Variants in MTG2 observed in about 807,000 individuals in gnomAD.
MTG2 encodes mitochondrial ribosome-associated GTPase 2.
In MTG2, 23 loss-of-function variants were observed where a neutral mutation model predicts 28.6. That is an observed-to-expected ratio of 0.80 (90% CI 0.58 to 1.14). MTG2 has a LOEUF of 1.14. MTG2 is among the 50% of genes most tolerant of loss of function. The probability of loss-of-function intolerance (pLI) is 0.00; values close to 1 mark genes in which losing one functional copy is unlikely to be tolerated. For missense variants in MTG2, 539 were observed against 552.0 expected (o/e 0.98, Z 0.24); for synonymous variants, 260 against 251.8 (o/e 1.03, Z -0.31).
intron 5 of MTG2, 69 bp downstream of exon 5, chr20:62,198,921 G>C: frequency 6.3e-7 from 1 of 1,595,146 alleles, no homozygotes; most frequent in Non-Finnish European, 8.6e-7. Flanking sequence ...TCTCAATGGG[G>C]ATTTGCCAGT....
intron 1 of MTG2, among the ~76,000 whole-genome samples, chr20:62,190,392 T>C (rs2057933909): frequency 6.6e-6 from 1 of 152,240 alleles, no homozygotes; most frequent in African/African-American, 2.4e-5. Context: ...TAGTATTTTA[T>C]ATTTACCAAT....
At chr20:62,198,034 C>T in intron 4 of MTG2, 67 bp downstream of exon 4, 1 of 1,449,602 alleles carries the variant, frequency 6.9e-7, no homozygotes, top group South Asian at 1.1e-5. Context: ...CTGGGGGCCA[C>T]CGTGTGACCC....
intron 2 of MTG2, among the ~76,000 whole-genome samples, chr20:62,194,895 AC>A (rs1488309963): frequency 6.6e-6 from 1 of 152,158 alleles, no homozygotes; most frequent in Non-Finnish European, 1.5e-5. Flanking sequence ...TACCTTAGTG[AC>A]CTACAGAACA....
chr20:62,188,508 ATTTTT>A (rs1192106476), intron 1 of MTG2, among the ~76,000 whole-genome samples: 2 of 89,726 alleles, frequency 2.2e-5, no homozygotes, highest in Admixed American at 1.3e-4. Flanking sequence ...TAATCAGCTA[ATTTTT>A]TTTTTTTTTT....
chr20:62,183,245 C>G (rs1291669003), intron 1 of MTG2, among the ~76,000 whole-genome samples, 188 bp downstream of exon 1: 1 of 152,032 alleles, frequency 6.6e-6, no homozygotes, highest in Non-Finnish European at 1.5e-5. Context: ...CGCTGCGGCC[C>G]TGGAGTAGCG....
chr20:62,196,116 C>G (rs1601096951), intron 3 of MTG2, among the ~76,000 whole-genome samples, 167 bp downstream of exon 3: 1 of 151,912 alleles, frequency 6.6e-6, no homozygotes, highest in Non-Finnish European at 1.5e-5. Context: ...AGTTCAAGAC[C>G]AGCCTGGACA....
chr20:62,200,677 C>G lies in MTG2; in HGVS notation c.827-6C>G, dbSNP rs765575504. ...GTCACCTCGTGTGCCCCTGTCTTCCCTGCAGTGGCCGACATCCCCGGCATC... is the reference window on the plus strand; with the variant it reads ...GTCACCTCGTGTGCCCCTGTCTTCCGTGCAGTGGCCGACATCCCCGGCATC... On this transcript the variant is annotated splice_polypyrimidine_tract_variant and splice_region_variant and intron_variant, in intron 6 of 6. Transcript: ENST00000370823. 3 of 1,600,286 alleles carry G rather than the reference C, an allele frequency of 1.9e-6. No homozygotes were observed. Among genetic ancestry groups the G allele is most frequent in the Non-Finnish European group, 2.6e-6 (3 of 1,173,580 alleles).
chr20:62,192,018 A>G (rs2057970421), intron 1 of MTG2, among the ~76,000 whole-genome samples: 1 of 152,162 alleles, frequency 6.6e-6, no homozygotes, highest in Non-Finnish European at 1.5e-5. Flanking sequence ...CACACTACAC[A>G]TCAGGCACCA....
At chr20:62,197,623 A>T (rs1217137410) in intron 3 of MTG2, 1 of 490,128 alleles carries the variant, frequency 2.0e-6, no homozygotes, top group African/African-American at 2.0e-5. Flanking sequence ...GAATACAGCT[A>T]CTGTAAAAAA....
intron 3 of MTG2, among the ~76,000 whole-genome samples, chr20:62,196,432 G>A (rs1367477394): frequency 1.3e-5 from 2 of 152,044 alleles, no homozygotes; most frequent in African/African-American, 4.8e-5. Context: ...CAGAACTTTG[G>A]GAGACCGAGG....
chr20:62,195,807 G>A lies in MTG2; in HGVS notation c.210G>A (p.Arg70=), dbSNP rs117801579. 3.7e-5 allele frequency: 60 copies of A among 1,614,200 alleles called. No homozygotes were observed. The East Asian group carries it at 1.3e-3, about 35-fold the overall frequency. Residue 70 remains arginine, a synonymous_variant, in exon 3 of 7, where the codon AGG becomes AGA. Coordinates refer to ENST00000370823, the MANE Select transcript of MTG2 (RefSeq NM_015666.4). ...GATATTTGTGTTCTCTGTAGAAAAG[G>A]TACTTTGTGGACTATCGGAGAGTGC... ...KKLLSEKKLK[R]YFVDYRRVLV... is the part of the protein sequence containing the mutation.
chr20:62,187,686 C>T (rs1184871997), intron 1 of MTG2, among the ~76,000 whole-genome samples: 5 of 152,276 alleles, frequency 3.3e-5, no homozygotes, highest in South Asian at 2.1e-4. Context: ...CCTGATAACC[C>T]GTTGAACATT....
At chr20:62,186,390 A>G (rs2057845353) in intron 1 of MTG2, among the ~76,000 whole-genome samples, 1 of 152,200 alleles carries the variant, frequency 6.6e-6, no homozygotes, top group Non-Finnish European at 1.5e-5. Flanking sequence ...TGTATTTGGC[A>G]CTACCATAAA....
intron 1 of MTG2, among the ~76,000 whole-genome samples, chr20:62,188,214 C>A (rs1278705540): frequency 6.7e-6 from 1 of 150,210 alleles, no homozygotes; most frequent in Non-Finnish European, 1.5e-5. Flanking sequence ...TTGATTTCTT[C>A]TTTGGCCTAT....
At chr20:62,192,892 C>T (rs540958019) in intron 1 of MTG2, among the ~76,000 whole-genome samples, 3 of 152,272 alleles carry the variant, frequency 2.0e-5, no homozygotes, top group South Asian at 2.1e-4. Flanking sequence ...CGTCCTCACC[C>T]AGCCGTGTGA....
In MTG2 at chr20:62,195,861, G is replaced by A. The variant is rs748378045; in HGVS notation, c.264G>A (p.Gly88=). 6.2e-7 allele frequency: 1 copy of A among 1,614,094 alleles called. No individual in the cohort carries two copies. Among genetic ancestry groups the A allele is most frequent in the African/African-American group, 1.3e-5 (1 of 74,930 alleles). Reference sequence around the variant, plus strand: ...TCTGTGGAGGAAACGGAGGCGCTGGGGCAAGCTGCTTCCACAGTGAGCCCC... The same window carrying A: ...TCTGTGGAGGAAACGGAGGCGCTGGAGCAAGCTGCTTCCACAGTGAGCCCC... ...VLVCGGNGGA[G]ASCFHSEPRK... The change falls in exon 3 of 7, where the codon GGG becomes GGA. Residue 88 remains glycine, a synonymous_variant. Transcript: ENST00000370823.
chr20:62,197,722 A>C lies in MTG2; in HGVS notation c.353-130A>C, dbSNP rs2058085390. On this transcript the variant is annotated intron_variant, in intron 3 of 6. Transcript: ENST00000370823. Reference sequence around the variant, plus strand: ...TAAAAAATCACTTTGCTGGTTTTGTAACTTCTGCTGCACCCTCACTCCATG... The same window carrying C: ...TAAAAAATCACTTTGCTGGTTTTGTCACTTCTGCTGCACCCTCACTCCATG... The C allele has an allele frequency of 9.6e-6, 6 of 624,592 alleles. No individual in the cohort carries two copies. In the South Asian group the frequency reaches 1.3e-4, roughly 14 times the overall value. The allele number at this position is 624,592 out of a possible 1,614,324, so 38.7% of individuals were successfully genotyped here. A position where few individuals can be genotyped will look rare whatever the true frequency, so the allele number is the denominator to read the frequency against.
rs1440398158 is a variant in MTG2 at position 62,201,011 on chromosome 20, G to A, written c.1155G>A (p.Leu385=). The stretch of plus-strand genomic sequence containing the variant: ...ACCTGGAGCAGCTGCTGTTGCACCT[G>A]AAGGTGCTGTATGACGCCTACGCGG... ...GENLEQLLLH[L]KVLYDAYAEA... Residue 385 remains leucine, a synonymous_variant, in exon 7 of 7, where the codon CTG becomes CTA. Transcript: ENST00000370823. 8 of 1,613,142 alleles carry A rather than the reference G, an allele frequency of 5.0e-6. No individual in the cohort carries two copies. The highest frequency in any genetic ancestry group is 1.3e-5 in the African/African-American group (1 of 75,068).
At chr20:62,195,620 A>G (rs1340986751) in intron 2 of MTG2, among the ~76,000 whole-genome samples, 182 bp from the exon 3 acceptor site, 3 of 152,222 alleles carry the variant, frequency 2.0e-5, no homozygotes, top group Middle Eastern at 3.2e-3. Flanking sequence ...TACAAATGCA[A>G]CTGACTTGTG....
Sources: allele counts gnomAD v4.1 joint callset (sites outside exome capture counted in the v4.1 genomes callset), GRCh38; gene constraint gnomAD v4.1.1; transcripts MANE v1.5; gene names NCBI Gene and HGNC (gene_info 2026-07-23, HGNC 2026-07-21).